The following CSNK1E variants were observed in gnomAD, a reference collection of about 807,000 sequenced individuals.
CSNK1E encodes the protein casein kinase I isoform epsilon.
CSNK1E carries 17 observed loss-of-function variants against 46.1 expected under a neutral mutation model. The observed-to-expected ratio is 0.37, with a 90% CI of 0.25 to 0.55. The LOEUF (loss-of-function observed/expected upper bound fraction) is 0.55. Ranked by LOEUF, CSNK1E falls within the 20% of genes least tolerant of loss-of-function variation. CSNK1E has a pLI of 0.82. For synonymous variants in CSNK1E, 241 were observed against 242.6 expected, an observed-to-expected ratio of 0.99 and a Z score of 0.06; for missense variants, 386 against 595.4, an observed-to-expected ratio of 0.65 and a Z score of 3.66.
In CSNK1E at chr22:38,300,592, G is replaced by A. The variant is rs928709307; in HGVS notation, c.565+132C>T. On this transcript the variant is annotated intron_variant, in intron 5 of 10. Coordinates refer to ENST00000396832, the MANE Select transcript of CSNK1E (RefSeq NM_152221.3). The surrounding 1 kb of genome is among the most constrained non-coding windows in gnomAD (Gnocchi z 4.4). ...CGGAATAAGCACGAGCTTGGGGGCA[G>A]ACGGGGTGGGGACTTTCTCACTAGA... 11 of 838,994 alleles carry A rather than the reference G, an allele frequency of 1.3e-5. No individual in the cohort carries two copies. The African/African-American group carries it at 1.9e-4, about 14-fold the overall frequency. The allele number at this position is 838,994 out of a possible 1,614,324, so 52.0% of individuals were successfully genotyped here. A position where few individuals can be genotyped will look rare whatever the true frequency, so the allele number is the denominator to read the frequency against.
chr22:38,301,031 G>A, intron 4 of CSNK1E, 79 bp from the exon 5 acceptor site: 1 of 1,235,076 alleles, frequency 8.1e-7, no homozygotes, highest in Non-Finnish European at 1.2e-6. Flanking sequence ...TGGGGCCACA[G>A]AGGTGGAAAG....
At chr22:38,311,467 G>A (rs994285502) in intron 2 of CSNK1E, among the ~76,000 whole-genome samples, 4 of 85,386 alleles carry the variant, frequency 4.7e-5, no homozygotes, top group South Asian at 4.0e-4. Flanking sequence ...GGCTGTCCCC[G>A]CTCCAGCCAT....
At chr22:38,295,459 A>G in intron 7 of CSNK1E, 1 of 958,876 alleles carries the variant, frequency 1.0e-6, no homozygotes, top group Non-Finnish European at 1.2e-6. Flanking sequence ...TGTGGAGGAG[A>G]GAGCTCTGGG....
intron 2 of CSNK1E, among the ~76,000 whole-genome samples, chr22:38,312,857 T>C (rs1569083680): frequency 6.6e-6 from 1 of 152,034 alleles, no homozygotes; most frequent in African/African-American, 2.4e-5. Context: ...ACGTCTAACG[T>C]CTCCCTCGGC....
At chr22:38,316,125 T>TG (rs1274770685) in intron 1 of CSNK1E, among the ~76,000 whole-genome samples, 1 of 147,450 alleles carries the variant, frequency 6.8e-6, no homozygotes, top group Non-Finnish European at 1.5e-5. Flanking sequence ...ATAAACAAAG[T>TG]GGGGGGAAAA....
Position 38,313,169 on chromosome 22 carries a change from G to A in CSNK1E, c.76+913C>T, listed in dbSNP as rs370996917. Among the ~76,000 whole-genome samples, 14 of 152,292 alleles carry A rather than the reference G, an allele frequency of 9.2e-5. No homozygotes were observed. In the South Asian group the frequency reaches 1.9e-3, roughly 20 times the overall value. ...CCCGAAGTTCTGAGCTGATGGACACGACACACAGACTTGGTGTTCTCTGCA... is the reference window on the plus strand; with the variant it reads ...CCCGAAGTTCTGAGCTGATGGACACAACACACAGACTTGGTGTTCTCTGCA... On this transcript the variant is annotated intron_variant, in intron 2 of 10. Transcript: ENST00000396832.
chr22:38,301,485 T>A (rs912143846), intron 4 of CSNK1E, among the ~76,000 whole-genome samples: 2 of 151,694 alleles, frequency 1.3e-5, no homozygotes, highest in African/African-American at 4.8e-5. Context: ...CAGGCTGGAG[T>A]GCAGTGGCAA....
rs555077744 is a variant in CSNK1E at position 38,297,957 on chromosome 22, G to A, written c.885+829C>T. On this transcript the variant is annotated intron_variant, in intron 7 of 10. Transcript: ENST00000396832. ...GGACAGCTCCTCCACCTCCTCCACC[G>A]GCCTATCTGGGGGGCTCTGGGTGCC... 126 of 1,124,202 alleles carry A rather than the reference G, an allele frequency of 1.1e-4. 2 individuals are homozygous for A. In the Admixed American group the frequency reaches 1.3e-3, roughly 11 times the overall value. The allele number at this position is 1,124,202 out of a possible 1,614,324, so 69.6% of individuals were successfully genotyped here.
rs1663768761 is a variant in CSNK1E at position 38,299,876 on chromosome 22, C to T, written c.736+19G>A. ...CCTCAGGGGCCCCCAGGCATGTCCC[C>T]TCCCACTGGGCTACTCACAGGGATA... On this transcript the variant is annotated intron_variant, in intron 6 of 10. Transcript: ENST00000396832. 1 of 1,609,854 alleles carries T rather than the reference C, an allele frequency of 6.2e-7. No individual in the cohort carries two copies. Among genetic ancestry groups the T allele is most frequent in the Non-Finnish European group, 8.5e-7 (1 of 1,176,702 alleles).
At position 38,294,494 on chromosome 22, in the gene CSNK1E, C is replaced by T. The variant is rs923008360; in HGVS notation, c.926G>A (p.Arg309Gln). ...CATCCTCTCCTCGCGTTCGTGTTCT[C>T]GCCGCTCCCGGTCCACATCCTCGGG... ...RNPEDVDRER[R>Q]EHEREERMGQ... Residue 309 changes from arginine to glutamine, a missense_variant, in exon 8 of 11, where the codon CGA becomes CAA. Physicochemically the swap from Arg to Gln is conservative, Grantham distance 43 (BLOSUM62 1). Transcript: ENST00000396832. The surrounding 1 kb of genome is among the most constrained non-coding windows in gnomAD (Gnocchi z 5.5). 8.1e-6 allele frequency: 13 copies of T among 1,595,170 alleles called. No individual in the cohort carries two copies. The highest frequency in any genetic ancestry group is 2.3e-5 in the East Asian group (1 of 43,446).
rs1330570659 is a variant in CSNK1E, at chr22:38,294,117, C to T, written c.1210G>A (p.Ala404Thr). ...TGRQEVSRIPASQTSVPFDHL... is the reference protein window; with the variant it reads ...TGRQEVSRIPTSQTSVPFDHL... ...GCAGGGGGGCAGCTCACCTGTGAGG[C>T]TGGGATCCGGGAGACCTCTTGCCGC... Residue 404 changes from alanine (A) to threonine (T), a missense_variant, in exon 9 of 11, where the codon GCC becomes ACC. Around this residue, in one of 2 missense-constraint regions of CSNK1E, gnomAD observed 174 missense variants for 185.2 expected, o/e 0.94. Coordinates refer to ENST00000396832, the MANE Select transcript of CSNK1E (RefSeq NM_152221.3). The surrounding 1 kb of genome is among the most constrained non-coding windows in gnomAD (Gnocchi z 5.5). 9 of 1,609,592 alleles carry T rather than the reference C, an allele frequency of 5.6e-6. No individual in the cohort carries two copies. In the South Asian group the frequency reaches 7.7e-5, roughly 14 times the overall value.
chr22:38,316,922 G>T, intron 1 of CSNK1E: 1 of 151,978 alleles, frequency 6.6e-6, no homozygotes, highest in Non-Finnish European at 1.5e-5. Flanking sequence ...GGCCGGCCGG[G>T]GGGCCTCCCC....
At chr22:38,308,798 G>A (rs911008360) in intron 2 of CSNK1E, among the ~76,000 whole-genome samples, 1 of 152,116 alleles carries the variant, frequency 6.6e-6, no homozygotes, top group Non-Finnish European at 1.5e-5. Context: ...GGACTGTACT[G>A]GACAGACAAG....
chr22:38,296,204 G>A (rs2092639668), intron 7 of CSNK1E: 7 of 1,033,558 alleles, frequency 6.8e-6, no homozygotes, highest in Non-Finnish European at 8.1e-6. Context: ...ACACACAGCA[G>A]GGAGCTCTCT....
chr22:38,312,601 C>T (rs867198), intron 2 of CSNK1E, among the ~76,000 whole-genome samples: 11,539 of 152,244 alleles, frequency 0.076, 573 homozygotes, highest in Admixed American at 0.17. Context: ...ACTCTCCCTC[C>T]CTCTGAGCTC....
At position 38,294,503 on chromosome 22, in the gene CSNK1E, C is replaced by A. The variant is rs1042229656; in HGVS notation, c.917G>T (p.Arg306Leu). ...GAARNPEDVD[R>L]ERREHEREER... ...CTCGCGTTCGTGTTCTCGCCGCTCC[C>A]GGTCCACATCCTCGGGATTCCGGGC... The change falls in exon 8 of 11, where the codon CGG becomes CTG. Residue 306 changes from arginine to leucine, a missense_variant. Physicochemically the swap from Arg to Leu is moderately radical, Grantham distance 102 (BLOSUM62 -2). Coordinates refer to ENST00000396832, the MANE Select transcript of CSNK1E (RefSeq NM_152221.3). This position sits in a 1 kb window ranked among gnomAD's most constrained non-coding sequence, Gnocchi z 5.5. The A allele has an allele frequency of 6.3e-7, 1 of 1,595,920 alleles. No individual in the cohort carries two copies. The highest frequency in any genetic ancestry group is 1.3e-5 in the African/African-American group (1 of 74,318).
Position 38,301,000 on chromosome 22 carries a change from C to CCCAG in CSNK1E, c.337-49_337-48insCTGG. 1 of 1,523,034 alleles carries CCCAG rather than the reference C, an allele frequency of 6.6e-7. No individual in the cohort carries two copies. Among genetic ancestry groups the CCCAG allele is most frequent in the Non-Finnish European group, 9.1e-7 (1 of 1,099,422 alleles). The allele number at this position is 1,523,034 out of a possible 1,614,324, so 94.3% of individuals were successfully genotyped here. ...GTTCAACAGAGGGGCCCTTGCCTAG[C>CCCAG]ACTCTGGGCCAGGCAGGGGCTGGGG... On this transcript the variant is annotated intron_variant, in intron 4 of 10. Coordinates refer to ENST00000396832, the MANE Select transcript of CSNK1E (RefSeq NM_152221.3). The surrounding 1 kb of genome is among the most constrained non-coding windows in gnomAD (Gnocchi z 4.4).
At chr22:38,296,734 A>C (rs957023887) in intron 7 of CSNK1E, 1 of 1,591,866 alleles carries the variant, frequency 6.3e-7, no homozygotes, top group African/African-American at 1.3e-5. Flanking sequence ...GTGAGACTCC[A>C]TAAGGGAGGA....
At chr22:38,302,652 A>C (rs2092679035) in intron 4 of CSNK1E, among the ~76,000 whole-genome samples, 1 of 152,222 alleles carries the variant, frequency 6.6e-6, no homozygotes, top group Admixed American at 6.5e-5. Context: ...CGGATGTTGC[A>C]ACGAGCTGAG....
Sources: gnomAD v4.1 joint callset for allele counts (sites outside exome capture counted in the v4.1 genomes callset) on GRCh38, gnomAD v4.1.1 for gene constraint, gnomAD v4.1.1 regional missense constraint, Gnocchi (gnomAD v3.1) non-coding constraint, MANE v1.5 for transcripts, NCBI Gene and HGNC (gene_info 2026-07-23, HGNC 2026-07-21) for gene names.